MYO9A: variants seen among roughly 807,000 people sequenced by gnomAD.
MYO9A encodes the protein myosin IXA, also known as unconventional myosin-IXa.
In MYO9A, 103 loss-of-function variants were observed where a neutral mutation model predicts 293.3. That is an observed-to-expected ratio of 0.35 (90% CI 0.30 to 0.41). The LOEUF (loss-of-function observed/expected upper bound fraction) is 0.41, where lower values mean the gene tolerates loss of function less well. MYO9A is among the 10% of genes least tolerant of loss of function. The pLI, the probability that MYO9A is intolerant of heterozygous loss-of-function variation, is 1.00. For missense variants in MYO9A, 2,685 were observed against 3,033.0 expected (o/e 0.89, Z 2.69); for synonymous variants, 1,001 against 1,035.7 (o/e 0.97, Z 0.64).
rs77484751 is a variant in MYO9A at position 72,052,042 on chromosome 15, C to G, written c.-71-5408G>C. ...GTACACACACCCTCCCTGCTGAGAC[C>G]TATAAAAGCCTGAACTCAGCCAGAC... On this transcript the variant is annotated intron_variant, in intron 1 of 41. Transcript: ENST00000356056. Among the ~76,000 whole-genome samples the G allele has an allele frequency of 8.1e-3, 1,234 of 152,260 alleles. 18 individuals carry two copies. Among genetic ancestry groups the G allele is most frequent in the African/African-American group, 0.029 (1,194 of 41,526 alleles).
intron 34 of MYO9A, among the ~76,000 whole-genome samples, chr15:71,855,239 G>A (rs577868288): frequency 2.0e-5 from 3 of 152,138 alleles, no homozygotes; most frequent in African/African-American, 4.8e-5. Context: ...AGGTTCAAGC[G>A]ATTCTCGTGC....
At chr15:72,029,973 T>C (rs2077811161) in intron 3 of MYO9A, among the ~76,000 whole-genome samples, 1 of 152,134 alleles carries the variant, frequency 6.6e-6, no homozygotes, top group Non-Finnish European at 1.5e-5. Flanking sequence ...CCCTCAAAGA[T>C]TCCATTCACT....
At chr15:71,944,128 G>T (rs919955875) in intron 15 of MYO9A, among the ~76,000 whole-genome samples, 1 of 152,016 alleles carries the variant, frequency 6.6e-6, no homozygotes, top group Non-Finnish European at 1.5e-5. Flanking sequence ...TCTTTCATGA[G>T]AACACAGATA....
At chr15:71,896,854 G>C (rs912281441) in intron 25 of MYO9A, 1 of 152,058 alleles carries the variant, frequency 6.6e-6, no homozygotes, top group African/African-American at 2.4e-5. Flanking sequence ...AAAGTAGAAT[G>C]ATGGTTGCCA....
At chr15:71,951,486 C>T (rs1387244783) in intron 15 of MYO9A, among the ~76,000 whole-genome samples, 2 of 151,562 alleles carry the variant, frequency 1.3e-5, no homozygotes, top group East Asian at 1.9e-4. Context: ...GATTCCTATC[C>T]ATCACTTGGC....
chr15:71,935,612 G>T, intron 16 of MYO9A, 128 bp from the exon 17 acceptor site: 1 of 861,228 alleles, frequency 1.2e-6, no homozygotes, highest in Non-Finnish European at 1.7e-6. Flanking sequence ...ACCAAAAACT[G>T]ATTTCATCCA....
intron 1 of MYO9A, among the ~76,000 whole-genome samples, chr15:72,059,234 T>C (rs2149948997): frequency 6.6e-6 from 1 of 152,346 alleles, no homozygotes; most frequent in South Asian, 2.1e-4. Flanking sequence ...GGCGAGACCC[T>C]GTATGAATAG....
intron 13 of MYO9A, among the ~76,000 whole-genome samples, chr15:71,962,497 A>G (rs1826857006): frequency 5.9e-5 from 9 of 152,216 alleles, no homozygotes; most frequent in Admixed American, 4.6e-4. Context: ...CGTATGTATT[A>G]TAAAAGAAAA....
chr15:71,926,046 T>C (rs2058305937), intron 18 of MYO9A, among the ~76,000 whole-genome samples: 1 of 152,218 alleles, frequency 6.6e-6, no homozygotes, highest in South Asian at 2.1e-4. Context: ...TTTCTGTAGA[T>C]GGATCCTAAG....
At chr15:72,066,861 C>T (rs1436746531) in intron 1 of MYO9A, among the ~76,000 whole-genome samples, 1 of 150,810 alleles carries the variant, frequency 6.6e-6, no homozygotes, top group Non-Finnish European at 1.5e-5. Flanking sequence ...CAACAAACAG[C>T]AAAACTCCGT....
chr15:71,956,766 A>G (rs2059207161), intron 14 of MYO9A, among the ~76,000 whole-genome samples: 1 of 150,544 alleles, frequency 6.6e-6, no homozygotes, highest in South Asian at 2.1e-4. Context: ...ATATATTCAT[A>G]TATGTAGCAT....
intron 1 of MYO9A, among the ~76,000 whole-genome samples, chr15:72,086,360 G>C (rs2079728160): frequency 6.6e-6 from 1 of 152,072 alleles, no homozygotes; most frequent in Non-Finnish European, 1.5e-5. Context: ...GGCCACTCAG[G>C]GAGGGGGAGG....
At chr15:72,044,721 T>C (rs2078330547) in intron 2 of MYO9A, among the ~76,000 whole-genome samples, 1 of 152,248 alleles carries the variant, frequency 6.6e-6, no homozygotes, top group Non-Finnish European at 1.5e-5. Flanking sequence ...ATTCTCTACA[T>C]TATTACAAGT....
At chr15:72,009,933 T>C (rs938392220) in intron 7 of MYO9A, among the ~76,000 whole-genome samples, 1 of 152,130 alleles carries the variant, frequency 6.6e-6, no homozygotes, top group African/African-American at 2.4e-5. Flanking sequence ...ATAGTACAGA[T>C]ATAAACTATA....
rs111651191 is a variant in MYO9A at position 71,898,274 on chromosome 15, T to G, written c.4229A>C (p.Asp1410Ala). The change falls in exon 25 of 42, where the codon GAC becomes GCC. Residue 1410 changes from aspartate to alanine, a missense_variant. This residue lies in a region of MYO9A where 1,434 missense variants were observed against 1,497.7 expected (regional missense o/e 0.96). Transcript: ENST00000356056. The stretch of plus-strand genomic sequence containing the variant: ...AGGTAGACTATTTGAAATGAAGGAG[T>G]CTTTCAGCTGTGGTTTACAGGTAAT... ...ESITCKPQLK[D>A]SFISNSLPTF... The G allele has an allele frequency of 1.2e-6, 2 of 1,613,818 alleles. No homozygotes were observed. Among genetic ancestry groups the G allele is most frequent in the Admixed American group, 1.7e-5 (1 of 59,988 alleles).
At chr15:71,835,418 G>T (rs906168124) in intron 39 of MYO9A, among the ~76,000 whole-genome samples, 3 of 152,012 alleles carry the variant, frequency 2.0e-5, no homozygotes, top group Non-Finnish European at 4.4e-5. Context: ...AAACTTATTA[G>T]AATAAGTGAA....
intron 32 of MYO9A, among the ~76,000 whole-genome samples, chr15:71,862,929 C>G (rs1381667168): frequency 7.7e-6 from 1 of 130,160 alleles, no homozygotes; most frequent in Admixed American, 7.8e-5. Flanking sequence ...CTTTTTTTGG[C>G]TTTTTTTTTT....
chr15:71,836,961 C>A (rs1267983563), intron 39 of MYO9A, among the ~76,000 whole-genome samples: 1 of 151,920 alleles, frequency 6.6e-6, no homozygotes, highest in Non-Finnish European at 1.5e-5. Context: ...TATAATAATT[C>A]CTTAAACTGA....
chr15:72,054,061 C>T (rs2078649050), intron 1 of MYO9A, among the ~76,000 whole-genome samples: 1 of 152,114 alleles, frequency 6.6e-6, no homozygotes, highest in Admixed American at 6.5e-5. Context: ...ACATCTATAA[C>T]ATAAGGATAC....
Sources: allele counts gnomAD v4.1 joint callset (sites outside exome capture counted in the v4.1 genomes callset), GRCh38; gene constraint gnomAD v4.1.1; regional missense constraint gnomAD v4.1.1; transcripts MANE v1.5; gene names NCBI Gene and HGNC (gene_info 2026-07-23, HGNC 2026-07-21).